ZNF503: variants seen among roughly 807,000 people sequenced by gnomAD.
ZNF503 encodes the protein NocA-like zinc finger 2.
In ZNF503, 15 loss-of-function variants were observed where a neutral mutation model predicts 34.4. The ratio of observed to expected loss-of-function variants is 0.44; its 90% CI spans 0.29 to 0.67. The LOEUF (loss-of-function observed/expected upper bound fraction) is 0.67, where lower values mean the gene tolerates loss of function less well. ZNF503 is among the 30% of genes least tolerant of loss of function. The pLI is 0.13. For missense variants in ZNF503, 1,007 were observed against 926.8 expected (o/e 1.09, Z -1.12); for synonymous variants, 580 against 456.8 (o/e 1.27, Z -3.44).
At chr10:75,363,160 C>T in the ZNF503 span, among the ~76,000 whole-genome samples, 1 of 152,148 alleles carries the variant, frequency 6.6e-6, no homozygotes, top group Non-Finnish European at 1.5e-5. Context: ...TATGGAAGCC[C>T]AGCAGCCCAG....
the ZNF503 span, among the ~76,000 whole-genome samples, chr10:75,308,518 A>G: frequency 1.4e-3 from 218 of 152,344 alleles, 1 homozygote; most frequent in African/African-American, 5.1e-3. Context: ...TGCCAGAGAT[A>G]GTGATTTTTC....
the ZNF503 span, among the ~76,000 whole-genome samples, chr10:75,317,210 G>T: frequency 1.3e-5 from 2 of 150,634 alleles, no homozygotes; most frequent in African/African-American, 4.9e-5. Context: ...CCAAAGTGCT[G>T]GGATTCTAGG....
chr10:75,291,296 TTTTTAA>T, the ZNF503 span, among the ~76,000 whole-genome samples: 1 of 152,202 alleles, frequency 6.6e-6, no homozygotes, highest in Non-Finnish European at 1.5e-5. Context: ...CTAGCTCATC[TTTTTAA>T]TTTTATTTTT....
the ZNF503 span, among the ~76,000 whole-genome samples, chr10:75,356,872 G>A: frequency 6.6e-6 from 1 of 152,218 alleles, no homozygotes; most frequent in Non-Finnish European, 1.5e-5. Context: ...CTGTTGAATG[G>A]AAGGTTTTTA....
Position 75,398,719 on chromosome 10 carries a change from C to T in ZNF503, c.*30G>A. On this transcript the variant is annotated 3_prime_UTR_variant, in exon 2 of 2. Coordinates refer to ENST00000372524, the MANE Select transcript of ZNF503 (RefSeq NM_032772.6). ...GGACTCCTCCCCTCCCCCTCTCCCT[C>T]CTCTCCCTCGCTCGCCCTCCCGGCC... 7.4e-7 allele frequency: 1 copy of T among 1,359,330 alleles called. No homozygotes were observed. The highest frequency in any genetic ancestry group is 9.4e-7 in the Non-Finnish European group (1 of 1,061,138). 84.2% of individuals were successfully genotyped at this position (1,359,330 alleles called of 1,614,324 possible).
downstream of ZNF503, among the ~76,000 whole-genome samples, chr10:75,397,545 A>G (rs1843715424): frequency 6.6e-6 from 1 of 152,102 alleles, no homozygotes; most frequent in South Asian, 2.1e-4. Context: ...ACCCCCTTTC[A>G]CTTTTAACAA....
At chr10:75,330,896 T>C in the ZNF503 span, among the ~76,000 whole-genome samples, 1 of 152,214 alleles carries the variant, frequency 6.6e-6, no homozygotes, top group Non-Finnish European at 1.5e-5. Flanking sequence ...TTGGGGTTGG[T>C]TTATGCTTGC....
the ZNF503 span, among the ~76,000 whole-genome samples, chr10:75,389,331 CCTCTT>C: frequency 6.6e-6 from 1 of 152,198 alleles, no homozygotes; most frequent in African/African-American, 2.4e-5. Flanking sequence ...CCAGGGGTCT[CCTCTT>C]CTCTTCTCCA....
the ZNF503 span, among the ~76,000 whole-genome samples, chr10:75,294,664 G>A: frequency 3.9e-5 from 6 of 151,916 alleles, no homozygotes; most frequent in African/African-American, 1.4e-4. Context: ...GGCAGGGGCA[G>A]GGGACAGGGC....
At position 75,399,958 on chromosome 10, in the gene ZNF503, C is replaced by A; in HGVS notation, c.732G>T (p.Ser244=). 2 of 1,606,548 alleles carry A rather than the reference C, an allele frequency of 1.2e-6. No individual in the cohort carries two copies. Among genetic ancestry groups the A allele is most frequent in the South Asian group, 2.2e-5 (2 of 90,910 alleles). Reference sequence around the variant, plus strand: ...CCTTGCCCTCCGGGGCACCCCCGGCCGAGGACAGCATACCTCCCGGCGAGC... The same window carrying A: ...CCTTGCCCTCCGGGGCACCCCCGGCAGAGGACAGCATACCTCCCGGCGAGC... ...SACSPGGMLS[S]AGGAPEGKDD... is the part of the protein sequence containing the mutation. Residue 244 remains serine, a synonymous_variant, in exon 2 of 2, where the codon TCG becomes TCT. Coordinates refer to ENST00000372524, the MANE Select transcript of ZNF503 (RefSeq NM_032772.6).
chr10:75,313,785 G>T, the ZNF503 span, among the ~76,000 whole-genome samples: 1 of 152,202 alleles, frequency 6.6e-6, no homozygotes, highest in Non-Finnish European at 1.5e-5. Context: ...TGGGAGAAGG[G>T]ACATGAACTT....
chr10:75,314,227 A>G, the ZNF503 span, among the ~76,000 whole-genome samples: 2 of 132,330 alleles, frequency 1.5e-5, no homozygotes, highest in Non-Finnish European at 3.1e-5. Flanking sequence ...ACAGAGCGAG[A>G]CTCCGTCTCA....
At chr10:75,364,998 A>G in the ZNF503 span, among the ~76,000 whole-genome samples, 1 of 152,244 alleles carries the variant, frequency 6.6e-6, no homozygotes, top group African/African-American at 2.4e-5. Flanking sequence ...CACTTGTGAT[A>G]TCTGGGGGAT....
At chr10:75,293,209 A>G in the ZNF503 span, among the ~76,000 whole-genome samples, 1 of 152,128 alleles carries the variant, frequency 6.6e-6, no homozygotes, top group African/African-American at 2.4e-5. Context: ...GTCCCAGGTG[A>G]CCCAGAGAAC....
the ZNF503 span, among the ~76,000 whole-genome samples, chr10:75,390,087 C>T: frequency 2.0e-5 from 3 of 151,782 alleles, no homozygotes; most frequent in African/African-American, 2.4e-5. Flanking sequence ...TTAGTGGAGA[C>T]GGGGTTTCAC....
At chr10:75,363,569 G>A in the ZNF503 span, among the ~76,000 whole-genome samples, 4 of 152,254 alleles carry the variant, frequency 2.6e-5, no homozygotes, top group African/African-American at 7.2e-5. Context: ...TAATTCTCCC[G>A]CATTCCATAC....
the ZNF503 span, among the ~76,000 whole-genome samples, chr10:75,334,317 G>A: frequency 6.6e-6 from 1 of 152,156 alleles, no homozygotes; most frequent in Non-Finnish European, 1.5e-5. Flanking sequence ...TCTCCACTTG[G>A]AATTAATTTT....
the ZNF503 span, among the ~76,000 whole-genome samples, chr10:75,316,122 A>G: frequency 6.6e-6 from 1 of 152,240 alleles, no homozygotes; most frequent in African/African-American, 2.4e-5. Context: ...CACAATATTA[A>G]TAGTGGACTT....
the ZNF503 span, among the ~76,000 whole-genome samples, chr10:75,286,621 G>A: frequency 1.3e-5 from 2 of 152,162 alleles, no homozygotes; most frequent in African/African-American, 4.8e-5. Context: ...TGCTCGTATG[G>A]GTGCTGTGAA....
Sources: gnomAD v4.1 joint callset for allele counts (sites outside exome capture counted in the v4.1 genomes callset) on GRCh38, gnomAD v4.1.1 for gene constraint, MANE v1.5 for transcripts, NCBI Gene and HGNC (gene_info 2026-07-23, HGNC 2026-07-21) for gene names.